ADAMTS5: variants seen among roughly 807,000 people sequenced by gnomAD.
The protein encoded by ADAMTS5 is A disintegrin and metalloproteinase with thrombospondin motifs 5.
In ADAMTS5, 54 loss-of-function variants were observed where a neutral mutation model predicts 81.4. The observed-to-expected ratio is 0.66, with a 90% confidence interval of 0.53 to 0.83. ADAMTS5 has a LOEUF of 0.83. Among genes scored for constraint, ADAMTS5 ranks in the 40% least tolerant of loss-of-function variants. The pLI is 0.00. For missense variants in ADAMTS5, 1,194 were observed against 1,229.9 expected, an observed-to-expected ratio of 0.97 and a Z score of 0.44; for synonymous variants, 532 against 508.8, an observed-to-expected ratio of 1.05 and a Z score of -0.61.
intron 2 of ADAMTS5, among the ~76,000 whole-genome samples, chr21:26,950,193 T>C (rs576207290): frequency 6.6e-6 from 1 of 152,212 alleles, no homozygotes; most frequent in African/African-American, 2.4e-5. Context: ...AAAGCAAAGC[T>C]TCGGCATGTT....
At chr21:26,926,262 A>G (rs1433466447) in intron 7 of ADAMTS5, among the ~76,000 whole-genome samples, 1 of 152,224 alleles carries the variant, frequency 6.6e-6, no homozygotes, top group Non-Finnish European at 1.5e-5. Context: ...TCCTGTCTAA[A>G]CAGAAGGTAG....
intron 1 of ADAMTS5, among the ~76,000 whole-genome samples, chr21:26,961,163 T>C (rs930962811): frequency 2.0e-5 from 3 of 152,254 alleles, no homozygotes; most frequent in African/African-American, 7.2e-5. Context: ...GTCTGCCATT[T>C]GTTAGCTGTT....
chr21:26,926,053 C>T (rs958449846), intron 7 of ADAMTS5, among the ~76,000 whole-genome samples: 8 of 152,160 alleles, frequency 5.3e-5, no homozygotes, highest in African/African-American at 1.2e-4. Flanking sequence ...GAGAATTCCT[C>T]GAGGTCAGGA....
intron 3 of ADAMTS5, among the ~76,000 whole-genome samples, chr21:26,941,577 G>T (rs1987115443): frequency 1.3e-5 from 2 of 152,032 alleles, no homozygotes. Context: ...CCACAGCATT[G>T]TAATTAGCTG....
intron 2 of ADAMTS5, among the ~76,000 whole-genome samples, chr21:26,948,565 A>G (rs1293869007): frequency 2.6e-5 from 4 of 152,234 alleles, no homozygotes; most frequent in African/African-American, 2.4e-5. Flanking sequence ...GAATCCTTGA[A>G]GAAGGGAACC....
intron 1 of ADAMTS5, among the ~76,000 whole-genome samples, chr21:26,961,248 G>A (rs1401840162): frequency 6.6e-6 from 1 of 152,194 alleles, no homozygotes; most frequent in Non-Finnish European, 1.5e-5. Flanking sequence ...ACAGATTGTT[G>A]AAATGATTAA....
chr21:26,965,683 G>T lies in ADAMTS5; in HGVS notation c.709C>A (p.Gln237Lys), dbSNP rs535884836. ...NPSGRAALAS[Q>K]LLDQSALSPA... is the part of the protein sequence containing the mutation. ...GAGAGAGCGGACTGGTCCAAGAGCT[G>T]CGAGGCCAGTGCTGCGCGTCCGCTC... The change falls in exon 1 of 8, where the codon CAG (glutamine) becomes AAG (lysine). Residue 237 changes from glutamine to lysine, a missense_variant. This residue lies in a region of ADAMTS5 where 498 missense variants were observed against 412.3 expected (regional missense o/e 1.21). Coordinates refer to ENST00000284987, the MANE Select transcript of ADAMTS5 (RefSeq NM_007038.5). The T allele has an allele frequency of 2.5e-6, 4 of 1,585,312 alleles. No individual in the cohort carries two copies. The African/African-American group carries it at 5.4e-5, about 21-fold the overall frequency.
intron 1 of ADAMTS5, among the ~76,000 whole-genome samples, chr21:26,963,752 A>C (rs932821477): frequency 1.3e-4 from 19 of 150,544 alleles, no homozygotes; most frequent in African/African-American, 4.6e-4. Flanking sequence ...GAAGGCTACA[A>C]ATGAATGTTC....
intron 1 of ADAMTS5, among the ~76,000 whole-genome samples, chr21:26,956,866 T>C (rs1987437180): frequency 6.6e-6 from 1 of 152,214 alleles, no homozygotes; most frequent in South Asian, 2.1e-4. Flanking sequence ...AATTGCTCAT[T>C]AGAGGCCATC....
rs1204272067 is a variant in ADAMTS5, at chr21:26,966,574, C to A, written c.-183G>T. ...CTGTCCGGGCTGCGGTGCCAGCGTG[C>A]GAACTTTTCTTTGTTGCTTGGGAAA... On this transcript the variant is annotated 5_prime_UTR_variant, in exon 1 of 8. Coordinates refer to ENST00000284987, the MANE Select transcript of ADAMTS5 (RefSeq NM_007038.5). 6.1e-4 allele frequency: 210 copies of A among 341,572 alleles called. 1 individual carries two copies. The highest frequency in any genetic ancestry group is 2.3e-4 in the Non-Finnish European group (49 of 217,570). 21.2% of individuals were successfully genotyped at this position (341,572 alleles called of 1,614,324 possible).
chr21:26,937,062 T>C (rs967983271), intron 3 of ADAMTS5, among the ~76,000 whole-genome samples: 2 of 152,220 alleles, frequency 1.3e-5, no homozygotes, highest in Non-Finnish European at 2.9e-5. Context: ...CTAGGAAGTC[T>C]TTACCATGTG....
Position 26,923,930 on chromosome 21 carries a change from G to C in ADAMTS5, c.*123C>G. 9.9e-7 allele frequency: 1 copy of C among 1,007,788 alleles called. No individual in the cohort carries two copies. The highest frequency in any genetic ancestry group is 1.4e-6 in the Non-Finnish European group (1 of 708,652). The allele number at this position is 1,007,788 out of a possible 1,614,324, so 62.4% of individuals were successfully genotyped here. A position where few individuals can be genotyped will look rare whatever the true frequency, so the allele number is the denominator to read the frequency against. On this transcript the variant is annotated 3_prime_UTR_variant, in exon 8 of 8. Transcript: ENST00000284987. ...AGAGAGCAGATTCTGCCCATAATTG[G>C]ACTCCTGTTGACAATGTCACTGAAG... is the stretch of plus-strand genomic sequence containing the variant.
intron 1 of ADAMTS5, among the ~76,000 whole-genome samples, chr21:26,959,170 C>G (rs986502898): frequency 1.3e-5 from 2 of 152,096 alleles, no homozygotes; most frequent in Non-Finnish European, 2.9e-5. Flanking sequence ...CGGAGTCATT[C>G]TGGTAAAGAG....
chr21:26,920,111 T>C lies in ADAMTS5; in HGVS notation c.*3942A>G, dbSNP rs1287931241. 1 of 152,158 alleles carries C rather than the reference T, an allele frequency of 6.6e-6. No individual in the cohort carries two copies. The highest frequency in any genetic ancestry group is 2.4e-5 in the African/African-American group (1 of 41,458). 9.4% of individuals were successfully genotyped at this position (152,158 alleles called of 1,614,324 possible). A position where few individuals can be genotyped will look rare whatever the true frequency, so the allele number is the denominator to read the frequency against. Reference sequence around the variant, plus strand: ...AAAATTTGATCATTATTAAATTCAATGTTATTTGACAGTGTGAACTCTATG... The same window carrying C: ...AAAATTTGATCATTATTAAATTCAACGTTATTTGACAGTGTGAACTCTATG... On this transcript the variant is annotated 3_prime_UTR_variant, in exon 8 of 8. Transcript: ENST00000284987.
chr21:26,920,081 C>T lies in ADAMTS5; in HGVS notation c.*3972G>A, dbSNP rs184257829. 6 of 152,170 alleles carry T rather than the reference C, an allele frequency of 3.9e-5. No individual in the cohort carries two copies. The highest frequency in any genetic ancestry group is 1.4e-4 in the African/African-American group (6 of 41,546). The allele number at this position is 152,170 out of a possible 1,614,324, so 9.4% of individuals were successfully genotyped here. A position where few individuals can be genotyped will look rare whatever the true frequency, so the allele number is the denominator to read the frequency against. On this transcript the variant is annotated 3_prime_UTR_variant, in exon 8 of 8. Transcript: ENST00000284987. Reference sequence around the variant, plus strand: ...AGATTATACACTCTGCCAAAGACTACTAGAAAAATTTGATCATTATTAAAT... The same window carrying T: ...AGATTATACACTCTGCCAAAGACTATTAGAAAAATTTGATCATTATTAAAT...
At chr21:26,949,077 C>A (rs1297034269) in intron 2 of ADAMTS5, among the ~76,000 whole-genome samples, 1 of 151,478 alleles carries the variant, frequency 6.6e-6, no homozygotes, top group African/African-American at 2.4e-5. Flanking sequence ...ACTTTATTGT[C>A]CTCATTGATA....
At chr21:26,924,959 T>C (rs1336324884) in intron 7 of ADAMTS5, among the ~76,000 whole-genome samples, 2 of 152,220 alleles carry the variant, frequency 1.3e-5, no homozygotes, top group Non-Finnish European at 1.5e-5. Flanking sequence ...AAATCTACTT[T>C]CCATTCTTTC....
chr21:26,955,466 A>G (rs946416656), intron 1 of ADAMTS5, among the ~76,000 whole-genome samples: 3 of 152,220 alleles, frequency 2.0e-5, no homozygotes, highest in African/African-American at 7.2e-5. Flanking sequence ...TCTCAACCTG[A>G]CCAATCTGCA....
chr21:26,947,660 C>T (rs1987242320), intron 2 of ADAMTS5, among the ~76,000 whole-genome samples: 1 of 152,120 alleles, frequency 6.6e-6, no homozygotes, highest in South Asian at 2.1e-4. Flanking sequence ...GTCTCGAACT[C>T]CTGACCTCAG....
Sources: allele counts gnomAD v4.1 joint callset (sites outside exome capture counted in the v4.1 genomes callset), GRCh38; gene constraint gnomAD v4.1.1; regional missense constraint gnomAD v4.1.1; transcripts MANE v1.5; gene names NCBI Gene and HGNC (gene_info 2026-07-23, HGNC 2026-07-21).